Variants in AGBL4 observed in about 807,000 individuals in gnomAD.
AGBL4 encodes cytosolic carboxypeptidase 6.
Under a neutral mutation model 66.4 loss-of-function variants are expected in AGBL4, and 58 were observed. The ratio of observed to expected loss-of-function variants is 0.87; its 90% CI spans 0.71 to 1.09. The LOEUF (loss-of-function observed/expected upper bound fraction) is 1.09. Among genes scored for constraint, AGBL4 ranks in the 50% least tolerant of loss-of-function variants. The pLI, the probability that AGBL4 is intolerant of heterozygous loss-of-function variation, is 0.00. For synonymous variants in AGBL4, 234 were observed against 222.9 expected (o/e 1.05, Z -0.44); for missense variants, 579 against 631.0 (o/e 0.92, Z 0.88).
chr1:48,926,244 A>ATTATTTTATTTTATTTTATT (rs138261010), intron 5 of AGBL4, among the ~76,000 whole-genome samples: 5,415 of 142,314 alleles, frequency 0.038, 134 homozygotes, highest in East Asian at 0.051. Context: ...ATGACCATGA[A>ATTATTTTATTTTATTTTATT]TTATTTTATT....
At chr1:49,950,030 G>A (rs1335619179) in intron 1 of AGBL4, among the ~76,000 whole-genome samples, 3 of 131,090 alleles carry the variant, frequency 2.3e-5, no homozygotes, top group Admixed American at 1.5e-4. Flanking sequence ...ATGTGTGTGT[G>A]TGTATATATA....
chr1:49,450,942 T>C (rs1459907193), intron 3 of AGBL4, among the ~76,000 whole-genome samples: 2 of 152,096 alleles, frequency 1.3e-5, no homozygotes, highest in African/African-American at 4.8e-5. Flanking sequence ...TTCCCAATTC[T>C]ATAGGTCAGA....
rs138772824 is a variant in AGBL4, at chr1:49,304,084, T to C, written c.283-58220A>G. On this transcript the variant is annotated intron_variant, in intron 3 of 13. Transcript: ENST00000371839. ...TATGTCCTGCATGGTATTGCCTAGA[T>C]TTTCTTCTAGGGTTTTTATAGTTTT... is the stretch of plus-strand genomic sequence containing the variant. Among the ~76,000 whole-genome samples, 817 of 152,320 alleles carry C rather than the reference T, an allele frequency of 5.4e-3. 6 individuals are homozygous for C. The highest frequency in any genetic ancestry group is 0.017 in the Middle Eastern group (5 of 294).
chr1:49,209,412 T>G (rs1648491818), intron 4 of AGBL4, among the ~76,000 whole-genome samples: 1 of 152,140 alleles, frequency 6.6e-6, no homozygotes, highest in East Asian at 1.9e-4. Flanking sequence ...CAGATATAGA[T>G]AACACAGTAC....
intron 3 of AGBL4, among the ~76,000 whole-genome samples, chr1:49,517,183 A>C (rs1206507900): frequency 6.6e-6 from 1 of 151,768 alleles, no homozygotes; most frequent in Non-Finnish European, 1.5e-5. Flanking sequence ...GTGAAGAAGC[A>C]GAAGTCCAAA....
At chr1:49,827,872 G>A (rs1004165147) in intron 2 of AGBL4, among the ~76,000 whole-genome samples, 6 of 152,126 alleles carry the variant, frequency 3.9e-5, no homozygotes, top group South Asian at 2.1e-4. Flanking sequence ...TCTGAGAAGC[G>A]TTTTACCAGG....
At chr1:49,375,664 A>G (rs1385365316) in intron 3 of AGBL4, among the ~76,000 whole-genome samples, 1 of 152,122 alleles carries the variant, frequency 6.6e-6, no homozygotes. Context: ...AGGGAAGGTT[A>G]CAGAAGCAAT....
rs181376908 is a variant in AGBL4, at chr1:49,576,363, T to C, written c.282+120950A>G. Among the ~76,000 whole-genome samples the C allele has an allele frequency of 9.1e-4, 139 of 152,322 alleles. 1 individual carries two copies. Among genetic ancestry groups the C allele is most frequent in the African/African-American group, 3.2e-3 (134 of 41,572 alleles). On this transcript the variant is annotated intron_variant, in intron 3 of 13. Transcript: ENST00000371839. ...TATGACCCAGCAGATCCAATGGTGCTTGAGGTGTCAGTGTCAGATAGGGAT... is the reference window on the plus strand; with the variant it reads ...TATGACCCAGCAGATCCAATGGTGCCTGAGGTGTCAGTGTCAGATAGGGAT...
chr1:48,999,171 A>G (rs1377116726), intron 5 of AGBL4, among the ~76,000 whole-genome samples: 1 of 152,220 alleles, frequency 6.6e-6, no homozygotes, highest in Non-Finnish European at 1.5e-5. Flanking sequence ...GGGTTGAACT[A>G]TATGACCCTT....
chr1:49,859,810 C>A (rs1285968145), intron 1 of AGBL4, among the ~76,000 whole-genome samples: 1 of 151,954 alleles, frequency 6.6e-6, no homozygotes. Context: ...TGTCCCTATT[C>A]ATACACAACA....
intron 3 of AGBL4, among the ~76,000 whole-genome samples, chr1:49,619,848 C>T (rs1645323025): frequency 6.6e-6 from 1 of 152,114 alleles, no homozygotes; most frequent in African/African-American, 2.4e-5. Flanking sequence ...TGCGACAAAC[C>T]TGACAAAAAC....
Position 50,001,417 on chromosome 1 carries a change from T to TTGTG in AGBL4, c.34+22342_34+22345dup, listed in dbSNP as rs35073061. The stretch of plus-strand genomic sequence containing the variant: ...TTTTTCAACTTAGGAAAAAAATAAT[T>TTGTG]TGTGTGTGTGTGTGTGTGTGTGTGT... On this transcript the variant is annotated intron_variant, in intron 1 of 13. Coordinates refer to ENST00000371839, the MANE Select transcript of AGBL4 (RefSeq NM_032785.4). Among the ~76,000 whole-genome samples, 23 of 147,022 alleles carry TTGTG rather than the reference T, an allele frequency of 1.6e-4. 1 individual carries two copies. The Middle Eastern group carries it at 0.011, about 70-fold the overall frequency.
At chr1:49,738,294 A>G (rs1042974805) in intron 2 of AGBL4, among the ~76,000 whole-genome samples, 1 of 152,196 alleles carries the variant, frequency 6.6e-6, no homozygotes, top group Admixed American at 6.5e-5. Context: ...ACGCCCACGG[A>G]GCCCCGCTCA....
intron 4 of AGBL4, among the ~76,000 whole-genome samples, chr1:49,106,578 A>G (rs1645297565): frequency 6.6e-6 from 1 of 152,186 alleles, no homozygotes; most frequent in Non-Finnish European, 1.5e-5. Context: ...TCACTGAACC[A>G]TAAGTCAATA....
intron 3 of AGBL4, among the ~76,000 whole-genome samples, chr1:49,606,191 C>CA (rs1311254744): frequency 6.6e-6 from 1 of 151,952 alleles, no homozygotes; most frequent in Non-Finnish European, 1.5e-5. Context: ...CCTGTTGTGG[C>CA]AAAAAAGGCA....
intron 1 of AGBL4, among the ~76,000 whole-genome samples, chr1:49,916,148 A>G (rs1358519956): frequency 6.6e-6 from 1 of 152,220 alleles, no homozygotes; most frequent in East Asian, 1.9e-4. Context: ...ACAGAGCAGA[A>G]AAGCTGAAAA....
At chr1:48,685,427 G>C (rs1172877553) in intron 6 of AGBL4, among the ~76,000 whole-genome samples, 1 of 152,076 alleles carries the variant, frequency 6.6e-6, no homozygotes, top group Admixed American at 6.6e-5. Context: ...CCTTCTGCCT[G>C]TGCCATTCCA....
intron 3 of AGBL4, among the ~76,000 whole-genome samples, chr1:49,487,562 C>T (rs890073725): frequency 6.6e-6 from 1 of 151,886 alleles, no homozygotes; most frequent in African/African-American, 2.4e-5. Flanking sequence ...TGCTCTCACT[C>T]CGTCCTGCTG....
chr1:48,918,763 G>A (rs1260994601), intron 5 of AGBL4, among the ~76,000 whole-genome samples: 1 of 152,196 alleles, frequency 6.6e-6, no homozygotes, highest in Non-Finnish European at 1.5e-5. Context: ...TACTTCCATA[G>A]TAGCCTGGAC....
Sources: gnomAD v4.1 joint callset for allele counts (sites outside exome capture counted in the v4.1 genomes callset) on GRCh38, gnomAD v4.1.1 for gene constraint, MANE v1.5 for transcripts, NCBI Gene and HGNC (gene_info 2026-07-23, HGNC 2026-07-21) for gene names.